The following CCDC181 variants were observed in gnomAD, a reference collection of about 807,000 sequenced individuals.
CCDC181 encodes the protein coiled-coil domain-containing protein 181.
CCDC181 carries 35 observed loss-of-function variants against 58.7 expected under a neutral mutation model. The ratio of observed to expected loss-of-function variants is 0.60; its 90% CI spans 0.46 to 0.79. The LOEUF (loss-of-function observed/expected upper bound fraction) is 0.79. Ranked by LOEUF, CCDC181 falls within the 30% of genes least tolerant of loss-of-function variation. The pLI, the probability that CCDC181 is intolerant of heterozygous loss-of-function variation, is 0.00. For synonymous variants in CCDC181, 183 were observed against 197.5 expected (o/e 0.93, Z 0.62); for missense variants, 517 against 583.9 (o/e 0.89, Z 1.18).
chr1:169,405,266 C>A (rs899828315), intron 4 of CCDC181, among the ~76,000 whole-genome samples: 2 of 152,220 alleles, frequency 1.3e-5, no homozygotes, highest in African/African-American at 4.8e-5. Context: ...CCATCCCCAT[C>A]AAGCTATCAA....
chr1:169,457,935 T>C (rs1422635739), intron 2 of CCDC181, among the ~76,000 whole-genome samples: 1 of 152,176 alleles, frequency 6.6e-6, no homozygotes, highest in East Asian at 1.9e-4. Context: ...TTTTGTCACC[T>C]ATATATAAAT....
At chr1:169,430,606 C>T (rs2138894), upstream of CCDC181, among the ~76,000 whole-genome samples, 101,461 of 151,722 alleles carry the variant, frequency 0.67, 34,152 homozygotes, top group East Asian at 0.93. Context: ...TGTTGGTATA[C>T]AGCAGTGCTA....
intron 2 of CCDC181, chr1:169,452,785 G>A (rs1411616254): frequency 6.6e-6 from 1 of 151,852 alleles, no homozygotes; most frequent in Non-Finnish European, 1.5e-5. Context: ...TATTTAATTT[G>A]CATTTATGTT....
intron 2 of CCDC181, among the ~76,000 whole-genome samples, chr1:169,423,363 A>T (rs1656572284): frequency 6.6e-6 from 1 of 151,756 alleles, no homozygotes. Flanking sequence ...TTATTTTTCC[A>T]ATATCATGAG....
intron 4 of CCDC181, among the ~76,000 whole-genome samples, chr1:169,402,134 C>T (rs1258944295): frequency 2.0e-5 from 3 of 152,152 alleles, no homozygotes; most frequent in African/African-American, 7.2e-5. Context: ...TGAACAAAGC[C>T]TCCAAGAAAT....
chr1:169,460,586 C>T (rs1657820347), exon 1 of CCDC181: 3 of 152,368 alleles, frequency 2.0e-5, no homozygotes, highest in South Asian at 2.1e-4. Context: ...AGTCTTCAGC[C>T]GCACACCCAG....
At chr1:169,422,501 A>G (rs1656527020) in intron 2 of CCDC181, among the ~76,000 whole-genome samples, 188 bp from the exon 3 acceptor site, 1 of 152,180 alleles carries the variant, frequency 6.6e-6, no homozygotes, top group South Asian at 2.1e-4. Context: ...TGTGACAGCA[A>G]TGCAGGAAAA....
upstream of CCDC181, among the ~76,000 whole-genome samples, chr1:169,428,411 A>G (rs1194113663): frequency 6.6e-6 from 1 of 152,218 alleles, no homozygotes; most frequent in African/African-American, 2.4e-5. Context: ...CAAAGCTGGA[A>G]GTAGACCCTA....
chr1:169,453,403 CT>C (rs1657600493), intron 2 of CCDC181, among the ~76,000 whole-genome samples: 1 of 152,062 alleles, frequency 6.6e-6, no homozygotes, highest in Non-Finnish European at 1.5e-5. Flanking sequence ...CCAAGACCCC[CT>C]AAATGATTTT....
At chr1:169,439,668 G>A (rs1657156985) in intron 2 of CCDC181, among the ~76,000 whole-genome samples, 1 of 152,126 alleles carries the variant, frequency 6.6e-6, no homozygotes, top group Non-Finnish European at 1.5e-5. Context: ...TGGAGTCAGG[G>A]TGACAGCCTT....
At chr1:169,435,319 G>A (rs908565633) in intron 2 of CCDC181, among the ~76,000 whole-genome samples, 2 of 152,034 alleles carry the variant, frequency 1.3e-5, no homozygotes, top group African/African-American at 4.8e-5. Flanking sequence ...CCTAGGGCTG[G>A]AACAAAGGAG....
chr1:169,439,495 G>A (rs373819771), intron 2 of CCDC181, among the ~76,000 whole-genome samples: 35 of 152,318 alleles, frequency 2.3e-4, no homozygotes, highest in Admixed American at 8.5e-4. Flanking sequence ...CAGCCACTGC[G>A]CTCAAATACC....
In CCDC181 at chr1:169,421,944, C is replaced by T; in HGVS notation, c.487G>A (p.Val163Ile). ...KFKDQLVDLE[V>I]PPLEDTTTFK... ...GTAGTAGTGTCTTCTAGTGGAGGAA[C>T]TTCCAAATCAACTAACTGGTCCTTG... is the stretch of plus-strand genomic sequence containing the variant. Residue 163 changes from valine to isoleucine, a missense_variant, in exon 3 of 6, where the codon GTT (valine) becomes ATT (isoleucine). By Grantham distance (29) the Val-to-Ile change is conservative (BLOSUM62 3). Coordinates refer to ENST00000367806, the MANE Select transcript of CCDC181 (RefSeq NM_001300969.2). The T allele has an allele frequency of 6.2e-7, 1 of 1,614,000 alleles. No individual in the cohort carries two copies. The highest frequency in any genetic ancestry group is 1.1e-5 in the South Asian group (1 of 91,082).
At chr1:169,406,282 C>G (rs1354556529) in intron 4 of CCDC181, among the ~76,000 whole-genome samples, 1 of 152,190 alleles carries the variant, frequency 6.6e-6, no homozygotes, top group African/African-American at 2.4e-5. Context: ...TTTGACCCAG[C>G]CATCCCATTA....
chr1:169,454,268 C>T (rs1157601185), intron 2 of CCDC181: 2 of 151,894 alleles, frequency 1.3e-5, no homozygotes, highest in Non-Finnish European at 2.9e-5. Flanking sequence ...CTATTCCTTG[C>T]CTTATTATGC....
rs78750514 is a variant in CCDC181 at position 169,447,501 on chromosome 1, T to C, written c.-24+12296A>G. On this transcript the variant is annotated intron_variant, in intron 2 of 6. Transcript: ENST00000545005. ...TTGAGAAGAATGTGTATTCTGCCAT[T>C]GTGGAAGTATTCTATAAATTTCAAT... 1.8e-3 allele frequency among the ~76,000 whole-genome samples: 275 copies of C among 152,324 alleles called. 1 individual carries two copies. Among genetic ancestry groups the C allele is most frequent in the African/African-American group, 6.2e-3 (256 of 41,570 alleles).
intron 2 of CCDC181, 125 bp downstream of exon 2, chr1:169,424,686 G>C: frequency 1.8e-6 from 1 of 563,894 alleles, no homozygotes; most frequent in Non-Finnish European, 3.2e-6. Flanking sequence ...GAGGATAATA[G>C]TAATTTGCCC....
In CCDC181 at chr1:169,421,381, T is replaced by C; in HGVS notation, c.1050A>G (p.Arg350=). The part of the protein sequence containing the change: ...KELQKQLEEK[R]EKLKREEERR... ...TTCTCACCTCTCTTTTCAGTTTTTCTCTCTTTTCTTCTAGTTGTTTTTGTA... is the reference window on the plus strand; with the variant it reads ...TTCTCACCTCTCTTTTCAGTTTTTCCCTCTTTTCTTCTAGTTGTTTTTGTA... Residue 350 remains arginine, a synonymous_variant, in exon 3 of 6, where the codon AGA becomes AGG. Coordinates refer to ENST00000367806, the MANE Select transcript of CCDC181 (RefSeq NM_001300969.2). 1 of 1,607,802 alleles carries C rather than the reference T, an allele frequency of 6.2e-7. No individual in the cohort carries two copies. The highest frequency in any genetic ancestry group is 8.5e-7 in the Non-Finnish European group (1 of 1,177,954).
At chr1:169,399,346 T>C (rs990089684) in intron 4 of CCDC181, among the ~76,000 whole-genome samples, 4 of 152,194 alleles carry the variant, frequency 2.6e-5, no homozygotes, top group African/African-American at 9.7e-5. Context: ...CCAACATAAT[T>C]TGCTCAAAAA....
Sources: allele counts gnomAD v4.1 joint callset (sites outside exome capture counted in the v4.1 genomes callset), GRCh38; gene constraint gnomAD v4.1.1; transcripts MANE v1.5; gene names NCBI Gene and HGNC (gene_info 2026-07-23, HGNC 2026-07-21).